Variants in TIMP3 observed in about 807,000 individuals in gnomAD.
The protein encoded by TIMP3 is metalloproteinase inhibitor 3.
Under a neutral mutation model 30.0 loss-of-function variants are expected in TIMP3, and 11 were observed. The ratio of observed to expected loss-of-function variants is 0.37; its 90% CI spans 0.23 to 0.61. The LOEUF (loss-of-function observed/expected upper bound fraction) is 0.61. Among genes scored for constraint, TIMP3 ranks in the 20% least tolerant of loss-of-function variants. The probability of loss-of-function intolerance (pLI) is 0.70; values close to 1 mark genes in which losing one functional copy is unlikely to be tolerated. For synonymous variants in TIMP3, 112 were observed against 111.3 expected (o/e 1.01, Z -0.04); for missense variants, 181 against 276.8 (o/e 0.65, Z 2.45).
At chr22:32,855,454 G>C (rs1451409776) in intron 2 of TIMP3, among the ~76,000 whole-genome samples, 1 of 152,202 alleles carries the variant, frequency 6.6e-6, no homozygotes, top group Non-Finnish European at 1.5e-5. Context: ...TAATGGGTAA[G>C]AGTATGGACT....
intron 1 of TIMP3, among the ~76,000 whole-genome samples, chr22:32,845,604 C>A (rs964355330): frequency 1.3e-5 from 2 of 152,172 alleles, no homozygotes; most frequent in African/African-American, 4.8e-5. Flanking sequence ...ATGTTCCAGA[C>A]ACCAACCTAG....
At position 32,860,391 on chromosome 22, in the gene TIMP3, A is replaced by G. The variant is rs1218693560; in HGVS notation, c.*1014A>G. The G allele has an allele frequency of 1.3e-5, 2 of 152,670 alleles. No homozygotes were observed. The highest frequency in any genetic ancestry group is 2.9e-5 in the Non-Finnish European group (2 of 68,044). The allele number at this position is 152,670 out of a possible 1,614,324, so 9.5% of individuals were successfully genotyped here. A position where few individuals can be genotyped will look rare whatever the true frequency, so the allele number is the denominator to read the frequency against. Reference sequence around the variant, plus strand: ...GGGATATGTTTGTATACACATTTGCATATACCCACATGGGGACATAAGCTA... The same window carrying G: ...GGGATATGTTTGTATACACATTTGCGTATACCCACATGGGGACATAAGCTA... On this transcript the variant is annotated 3_prime_UTR_variant, in exon 5 of 5. Transcript: ENST00000266085.
chr22:32,842,428 A>G (rs2047936589), intron 1 of TIMP3, among the ~76,000 whole-genome samples: 1 of 152,264 alleles, frequency 6.6e-6, no homozygotes, highest in East Asian at 1.9e-4. Flanking sequence ...GAGGCAGCAG[A>G]TATCTGAGAA....
chr22:32,832,898 T>C (rs1276138044), intron 1 of TIMP3, among the ~76,000 whole-genome samples: 2 of 152,016 alleles, frequency 1.3e-5, no homozygotes, highest in Non-Finnish European at 2.9e-5. Flanking sequence ...CAGCTAATTT[T>C]TTTTTCGTGG....
chr22:32,851,994 G>A (rs2048231780), intron 2 of TIMP3, among the ~76,000 whole-genome samples: 1 of 152,178 alleles, frequency 6.6e-6, no homozygotes, highest in Admixed American at 6.5e-5. Context: ...ACTATGAACT[G>A]GGGATACAAA....
At chr22:32,842,172 C>T (rs2047929175) in intron 1 of TIMP3, among the ~76,000 whole-genome samples, 1 of 152,204 alleles carries the variant, frequency 6.6e-6, no homozygotes, top group African/African-American at 2.4e-5. Context: ...CGACTTCACC[C>T]AGACCCCACG....
Position 32,840,409 on chromosome 22 carries a change from G to A in TIMP3, c.122-9043G>A, listed in dbSNP as rs55873325. On this transcript the variant is annotated intron_variant, in intron 1 of 4. Transcript: ENST00000266085. ...GAAACGGACAAGAGAGAAGGGCCCTGGGGGACCAGGGTAGGATGCAGGAAA... is the reference window on the plus strand; with the variant it reads ...GAAACGGACAAGAGAGAAGGGCCCTAGGGGACCAGGGTAGGATGCAGGAAA... Among the ~76,000 whole-genome samples, 833 of 152,178 alleles carry A rather than the reference G, an allele frequency of 5.5e-3. 5 individuals carry two copies. Among genetic ancestry groups the A allele is most frequent in the South Asian group, 0.019 (92 of 4,812 alleles).
intron 1 of TIMP3, among the ~76,000 whole-genome samples, chr22:32,812,467 G>A (rs1272759698): frequency 6.6e-6 from 1 of 152,164 alleles, no homozygotes; most frequent in African/African-American, 2.4e-5. Context: ...CTAGAATTAA[G>A]ACTCAAGGTC....
In TIMP3 at chr22:32,857,341, G is replaced by A. The variant is rs766316555; in HGVS notation, c.297G>A (p.Lys99=). The A allele has an allele frequency of 1.2e-6, 2 of 1,614,022 alleles. No homozygotes were observed. Among genetic ancestry groups the A allele is most frequent in the East Asian group, 4.5e-5 (2 of 44,874 alleles). Residue 99 remains lysine (K), a synonymous_variant, in exon 3 of 5, where the codon AAG becomes AAA. Coordinates refer to ENST00000266085, the MANE Select transcript of TIMP3 (RefSeq NM_000362.5). ...GTGGCCTTAAGCTGGAGGTCAACAA[G>A]TACCAGTACCTGCTGACAGGTAATG... ...SLCGLKLEVN[K]YQYLLTGRVY...
intron 1 of TIMP3, 117 bp from the exon 2 acceptor site, chr22:32,849,335 T>A (rs1383734888): frequency 4.8e-6 from 4 of 825,270 alleles, no homozygotes; most frequent in African/African-American, 1.7e-5. Flanking sequence ...TCCAGTTGGC[T>A]CCAAGGTAAG....
chr22:32,845,500 T>C (rs941715825), intron 1 of TIMP3, among the ~76,000 whole-genome samples: 5 of 152,124 alleles, frequency 3.3e-5, no homozygotes, highest in African/African-American at 1.2e-4. Flanking sequence ...AGCCATAAAC[T>C]TTTAAACCTT....
At chr22:32,858,600 C>T (rs149654179) in intron 4 of TIMP3, among the ~76,000 whole-genome samples, 88 of 152,286 alleles carry the variant, frequency 5.8e-4, no homozygotes, top group African/African-American at 2.0e-3. Flanking sequence ...GGCCCATCCC[C>T]CTGACCCAAG....
chr22:32,821,431 A>G (rs2047243475), intron 1 of TIMP3, among the ~76,000 whole-genome samples: 1 of 152,204 alleles, frequency 6.6e-6, no homozygotes, highest in Non-Finnish European at 1.5e-5. Context: ...TCAGAAGTCA[A>G]AGAAGGTGGG....
intron 1 of TIMP3, among the ~76,000 whole-genome samples, chr22:32,823,526 G>A (rs1601456835): frequency 6.6e-6 from 1 of 152,190 alleles, no homozygotes; most frequent in Non-Finnish European, 1.5e-5. Flanking sequence ...GCACAGAGCC[G>A]ACCAGGCCTG....
chr22:32,803,938 A>G (rs2046657072), intron 1 of TIMP3, among the ~76,000 whole-genome samples: 1 of 152,142 alleles, frequency 6.6e-6, no homozygotes, highest in Non-Finnish European at 1.5e-5. Flanking sequence ...AAAAGTGAAA[A>G]CAAGCATGAG....
chr22:32,819,093 A>G (rs1424202557), intron 1 of TIMP3, among the ~76,000 whole-genome samples: 2 of 152,248 alleles, frequency 1.3e-5, no homozygotes, highest in African/African-American at 2.4e-5. Flanking sequence ...CCACTTGGCC[A>G]GGGGGTCACA....
At chr22:32,857,091 G>A (rs893866976) in intron 2 of TIMP3, among the ~76,000 whole-genome samples, 158 bp from the exon 3 acceptor site, 2 of 152,150 alleles carry the variant, frequency 1.3e-5, no homozygotes, top group Non-Finnish European at 2.9e-5. Flanking sequence ...TTCATATCTT[G>A]GCTATTGTGA....
intron 1 of TIMP3, among the ~76,000 whole-genome samples, chr22:32,814,604 T>G (rs1377319622): frequency 6.6e-6 from 1 of 152,234 alleles, no homozygotes; most frequent in East Asian, 1.9e-4. Context: ...GGATAGATTT[T>G]ATTTATTCAG....
chr22:32,859,416 G>C lies in TIMP3; in HGVS notation c.*39G>C. The stretch of plus-strand genomic sequence containing the variant: ...CCCCACCTCACTTCCCTCCCTTCCC[G>C]CTGAGCTTCCCTTGGACACTAACTC... On this transcript the variant is annotated 3_prime_UTR_variant, in exon 5 of 5. Coordinates refer to ENST00000266085, the MANE Select transcript of TIMP3 (RefSeq NM_000362.5). The C allele has an allele frequency of 6.3e-7, 1 of 1,586,850 alleles. No individual in the cohort carries two copies. Among genetic ancestry groups the C allele is most frequent in the Non-Finnish European group, 8.5e-7 (1 of 1,171,258 alleles).
Sources: allele counts gnomAD v4.1 joint callset (sites outside exome capture counted in the v4.1 genomes callset), GRCh38; gene constraint gnomAD v4.1.1; transcripts MANE v1.5; gene names NCBI Gene and HGNC (gene_info 2026-07-23, HGNC 2026-07-21).